Variants in RBM33 observed in about 807,000 individuals in gnomAD.
RBM33 encodes the protein RNA-binding protein 33.
In RBM33, 28 loss-of-function variants were observed where a neutral mutation model predicts 132.6. The ratio of observed to expected loss-of-function variants is 0.21; its 90% CI spans 0.16 to 0.29. RBM33 has a LOEUF of 0.29. RBM33 is among the 10% of genes least tolerant of loss of function. The pLI, the probability that RBM33 is intolerant of heterozygous loss-of-function variation, is 1.00. For missense variants in RBM33, 1,291 were observed against 1,518.5 expected (o/e 0.85, Z 2.49); for synonymous variants, 634 against 593.0 (o/e 1.07, Z -1.01).
intron 15 of RBM33, among the ~76,000 whole-genome samples, chr7:155,765,397 G>C (rs891045542): frequency 1.3e-5 from 2 of 152,228 alleles, no homozygotes; most frequent in African/African-American, 2.4e-5. Context: ...CCTTGCAACT[G>C]TTTTAAAACT....
intron 9 of RBM33, among the ~76,000 whole-genome samples, chr7:155,730,169 C>G (rs1379979734): frequency 6.6e-6 from 1 of 152,230 alleles, no homozygotes; most frequent in African/African-American, 2.4e-5. Flanking sequence ...GGTCTCAGCT[C>G]TCACGGACCC....
intron 14 of RBM33, among the ~76,000 whole-genome samples, chr7:155,747,967 T>C (rs753454525): frequency 3.1e-4 from 47 of 152,256 alleles, no homozygotes; most frequent in Non-Finnish European, 4.1e-4. Context: ...GCATTTATTT[T>C]GGCTTGTGTT....
chr7:155,728,226 T>C (rs189526155), intron 9 of RBM33, among the ~76,000 whole-genome samples: 1 of 152,212 alleles, frequency 6.6e-6, no homozygotes, highest in Non-Finnish European at 1.5e-5. Flanking sequence ...TCATGACTTC[T>C]TCCTGATTGG....
At position 155,741,883 on chromosome 7, in the gene RBM33, A is replaced by G. The variant is rs1380909659; in HGVS notation, c.2114A>G (p.Asn705Ser). ...MQQMQPTAPR[N>S]SNLRELPIAP... ...CAAATGCAGCCCACTGCGCCAAGGA[A>G]CAGCAATTTGCGTGAATTACCCATA... Residue 705 changes from asparagine to serine, a missense_variant, in exon 13 of 18, where the codon AAC becomes AGC. This residue lies in a region of RBM33 where 841 missense variants were observed against 912.0 expected (regional missense o/e 0.92). Transcript: ENST00000401878. 6.2e-7 allele frequency: 1 copy of G among 1,614,036 alleles called. No homozygotes were observed. The highest frequency in any genetic ancestry group is 1.6e-4 in the Middle Eastern group (1 of 6,062).
intron 1 of RBM33, among the ~76,000 whole-genome samples, chr7:155,650,954 T>G (rs1364049356): frequency 6.6e-6 from 1 of 152,152 alleles, no homozygotes. Context: ...CTCAGCTCAC[T>G]GCCACCTCCA....
At chr7:155,653,732 C>T (rs1798418018) in intron 1 of RBM33, among the ~76,000 whole-genome samples, 1 of 152,168 alleles carries the variant, frequency 6.6e-6, no homozygotes, top group Admixed American at 6.5e-5. Context: ...TCATCTGGCT[C>T]TTCATTTGTA....
intron 3 of RBM33, among the ~76,000 whole-genome samples, chr7:155,673,772 A>ACACACG (rs1554469961): frequency 1.8e-5 from 2 of 109,668 alleles, no homozygotes; most frequent in Admixed American, 9.5e-5. Flanking sequence ...ATGCGCGCAC[A>ACACACG]CACACACACA....
At chr7:155,646,837 A>G (rs894902092) in intron 1 of RBM33, among the ~76,000 whole-genome samples, 17 of 152,210 alleles carry the variant, frequency 1.1e-4, no homozygotes, top group African/African-American at 3.4e-4. Flanking sequence ...CAAAAATGCT[A>G]CCTGTTTTAC....
At chr7:155,764,935 GT>G (rs1324957913) in intron 15 of RBM33, among the ~76,000 whole-genome samples, 3 of 152,238 alleles carry the variant, frequency 2.0e-5, no homozygotes, top group African/African-American at 7.2e-5. Context: ...ATTCCATTTT[GT>G]ACTAGAAAAC....
chr7:155,673,940 GTTT>G lies in RBM33; in HGVS notation c.171+1055_171+1057del, dbSNP rs71186053. 1.1e-3 allele frequency among the ~76,000 whole-genome samples: 60 copies of G among 54,182 alleles called. 9 individuals are homozygous for G. The highest frequency in any genetic ancestry group is 0.011 in the East Asian group (16 of 1,480). The allele number at this position is 54,182 out of a possible 152,430, so 35.5% of individuals were successfully genotyped here. A position where few individuals can be genotyped will look rare whatever the true frequency, so the allele number is the denominator to read the frequency against. On this transcript the variant is annotated intron_variant, in intron 3 of 17. Coordinates refer to ENST00000401878, the MANE Select transcript of RBM33 (RefSeq NM_053043.3). Reference sequence around the variant, plus strand: ...TCATTATCAAGATAGTTTAGGCTTAGTTTTTTTTTTTTTTTTTTTTTTTTTTTT... The same window carrying G: ...TCATTATCAAGATAGTTTAGGCTTAGTTTTTTTTTTTTTTTTTTTTTTTTT...
intron 7 of RBM33, 114 bp from the exon 8 acceptor site, chr7:155,711,089 C>CA: frequency 7.3e-7 from 1 of 1,362,532 alleles, no homozygotes; most frequent in Non-Finnish European, 9.5e-7. Context: ...TTAAAAAATG[C>CA]AATCAGTGTA....
intron 5 of RBM33, among the ~76,000 whole-genome samples, chr7:155,687,243 T>C (rs1799508305): frequency 6.6e-6 from 1 of 152,250 alleles, no homozygotes; most frequent in African/African-American, 2.4e-5. Flanking sequence ...ATAATGAGCA[T>C]TTTTTCATGT....
chr7:155,673,142 T>C (rs929426169), intron 3 of RBM33, among the ~76,000 whole-genome samples: 5 of 152,130 alleles, frequency 3.3e-5, no homozygotes, highest in African/African-American at 1.2e-4. Flanking sequence ...TCCTACTTTG[T>C]CCAAGGCACT....
At chr7:155,673,768 G>GCGCGCGCGCACACACA (rs1554469952) in intron 3 of RBM33, among the ~76,000 whole-genome samples, 4 of 132,962 alleles carry the variant, frequency 3.0e-5, no homozygotes, top group African/African-American at 1.3e-4. Flanking sequence ...GCGCATGCGC[G>GCGCGCGCGCACACACA]CACACACACA....
chr7:155,753,548 C>T (rs1801752232), intron 14 of RBM33, among the ~76,000 whole-genome samples: 1 of 152,130 alleles, frequency 6.6e-6, no homozygotes, highest in Non-Finnish European at 1.5e-5. Flanking sequence ...GGATGAGTAG[C>T]AGAGCTAAGG....
intron 2 of RBM33, among the ~76,000 whole-genome samples, chr7:155,668,627 C>T (rs1307207656): frequency 6.6e-6 from 1 of 152,044 alleles, no homozygotes; most frequent in Non-Finnish European, 1.5e-5. Flanking sequence ...TAATATACTA[C>T]CTAATAGTAC....
chr7:155,769,894 T>C (rs1802359441), intron 16 of RBM33, among the ~76,000 whole-genome samples: 1 of 152,158 alleles, frequency 6.6e-6, no homozygotes, highest in Non-Finnish European at 1.5e-5. Context: ...ACGGAAAAGC[T>C]AGTTAACTGG....
At position 155,775,448 on chromosome 7, in the gene RBM33, A is replaced by G. The variant is rs1802574574; in HGVS notation, c.*407A>G. On this transcript the variant is annotated 3_prime_UTR_variant, in exon 18 of 18. Coordinates refer to ENST00000401878, the MANE Select transcript of RBM33 (RefSeq NM_053043.3). ...GCAAAGAATATTTGATAATGGTTGC[A>G]CTTATCTTCAGTGCAGGTTAGAAGA... The G allele has an allele frequency of 3.2e-6, 1 of 316,798 alleles. No individual in the cohort carries two copies. Among genetic ancestry groups the G allele is most frequent in the Admixed American group, 4.2e-5 (1 of 23,888 alleles). 19.6% of individuals were successfully genotyped at this position (316,798 alleles called of 1,614,324 possible).
intron 5 of RBM33, among the ~76,000 whole-genome samples, chr7:155,695,067 CTT>C (rs377173678): frequency 1.3e-5 from 2 of 152,244 alleles, no homozygotes; most frequent in African/African-American, 4.8e-5. Flanking sequence ...TTGCCAATCT[CTT>C]GATTTAATCC....
Sources: allele counts gnomAD v4.1 joint callset (sites outside exome capture counted in the v4.1 genomes callset), GRCh38; gene constraint gnomAD v4.1.1; regional missense constraint gnomAD v4.1.1; transcripts MANE v1.5; gene names NCBI Gene and HGNC (gene_info 2026-07-23, HGNC 2026-07-21).